Variants in USP6NL observed in about 807,000 individuals in gnomAD.
USP6NL encodes USP6 N-terminal-like protein.
Under a neutral mutation model 61.9 loss-of-function variants are expected in USP6NL, and 26 were observed. The ratio of observed to expected loss-of-function variants is 0.42; its 90% confidence interval spans 0.31 to 0.58. The LOEUF is 0.58. USP6NL is among the 20% of genes least tolerant of loss of function. The probability of loss-of-function intolerance (pLI) is 0.16; values close to 1 mark genes in which losing one functional copy is unlikely to be tolerated. For missense variants in USP6NL, 1,114 were observed against 1,034.3 expected, an observed-to-expected ratio of 1.08 and a Z score of -1.06; for synonymous variants, 432 against 390.1, an observed-to-expected ratio of 1.11 and a Z score of -1.27.
intron 2 of USP6NL, among the ~76,000 whole-genome samples, chr10:11,550,306 G>C (rs1487278488): frequency 1.3e-5 from 2 of 151,776 alleles, no homozygotes; most frequent in Non-Finnish European, 2.9e-5. Flanking sequence ...GCTCTTCAAG[G>C]GATATAAATA....
In USP6NL at chr10:11,510,545, G is replaced by A. The variant is rs774298001; in HGVS notation, c.196-870C>T. ...TCAAGTGAAATTCAGGGGCAAGGCT[G>A]CGGAATGGGGAAAGTGAGACGGAAA... On this transcript the variant is annotated intron_variant, in intron 5 of 14. Transcript: ENST00000609104. This position sits in a 1 kb window ranked among gnomAD's most constrained non-coding sequence, Gnocchi z 4.8. 8.5e-5 allele frequency among the ~76,000 whole-genome samples: 13 copies of A among 152,188 alleles called. No individual in the cohort carries two copies. The highest frequency in any genetic ancestry group is 1.8e-4 in the Non-Finnish European group (12 of 68,026).
intron 13 of USP6NL, among the ~76,000 whole-genome samples, chr10:11,484,236 C>T (rs1241471496): frequency 1.3e-5 from 2 of 152,042 alleles, no homozygotes; most frequent in African/African-American, 2.4e-5. Flanking sequence ...TGCATAGCTA[C>T]AAGAGAAGTC....
chr10:11,539,363 C>T (rs1835960782), intron 2 of USP6NL, among the ~76,000 whole-genome samples: 1 of 152,216 alleles, frequency 6.6e-6, no homozygotes, highest in Non-Finnish European at 1.5e-5. Flanking sequence ...ATTTGATCTC[C>T]ATCTGGCAGT....
At position 11,545,714 on chromosome 10, in the gene USP6NL, C is replaced by G. The variant is rs539016161; in HGVS notation, c.5-18147G>C. Among the ~76,000 whole-genome samples, 4 of 148,612 alleles carry G rather than the reference C, an allele frequency of 2.7e-5. No individual in the cohort carries two copies. In the East Asian group the frequency reaches 7.7e-4, roughly 29 times the overall value. The stretch of plus-strand genomic sequence containing the variant: ...CAACTTTCCTGATCAATGTACCTAC[C>G]AGATGAGATTTTTTTATTTCTAACA... On this transcript the variant is annotated intron_variant, in intron 2 of 14. Coordinates refer to ENST00000609104, the MANE Select transcript of USP6NL (RefSeq NM_014688.5).
intron 2 of USP6NL, among the ~76,000 whole-genome samples, chr10:11,554,966 A>ATTTTT (rs764342021): frequency 3.6e-5 from 4 of 111,848 alleles, no homozygotes; most frequent in East Asian, 7.2e-4. Flanking sequence ...TGCCCGGCTA[A>ATTTTT]TTTTTTTTTT....
intron 13 of USP6NL, among the ~76,000 whole-genome samples, chr10:11,483,971 A>C (rs1208259948): frequency 1.3e-5 from 2 of 152,168 alleles, no homozygotes; most frequent in Non-Finnish European, 2.9e-5. Context: ...CATGCTTTTC[A>C]AGTAAGCAAC....
At position 11,548,711 on chromosome 10, in the gene USP6NL, G is replaced by A. The variant is rs1836371075; in HGVS notation, c.5-21144C>T. On this transcript the variant is annotated intron_variant, in intron 2 of 14. Coordinates refer to ENST00000609104, the MANE Select transcript of USP6NL (RefSeq NM_014688.5). The surrounding 1 kb of genome is among the most constrained non-coding windows in gnomAD (Gnocchi z 4.3). ...ACATCAACAAATTAATTTAACTATGGTCTATCAATCAATTATAAAATCTAT... is the reference window on the plus strand; with the variant it reads ...ACATCAACAAATTAATTTAACTATGATCTATCAATCAATTATAAAATCTAT... Among the ~76,000 whole-genome samples, 1 of 152,004 alleles carries A rather than the reference G, an allele frequency of 6.6e-6. No individual in the cohort carries two copies. Among genetic ancestry groups the A allele is most frequent in the African/African-American group, 2.4e-5 (1 of 41,354 alleles).
intron 2 of USP6NL, among the ~76,000 whole-genome samples, chr10:11,567,940 A>G (rs1348912839): frequency 6.6e-6 from 1 of 152,032 alleles, no homozygotes; most frequent in Non-Finnish European, 1.5e-5. Flanking sequence ...CAAATCCAGG[A>G]TCGAGACCTC....
intron 6 of USP6NL, among the ~76,000 whole-genome samples, chr10:11,505,293 GATT>G (rs1229313129): frequency 1.4e-4 from 21 of 152,156 alleles, no homozygotes; most frequent in African/African-American, 4.3e-4. Flanking sequence ...AACACTTTCT[GATT>G]ATTTATTATG....
At chr10:11,519,199 C>G (rs920280975) in intron 4 of USP6NL, among the ~76,000 whole-genome samples, 2 of 152,108 alleles carry the variant, frequency 1.3e-5, no homozygotes, top group African/African-American at 4.8e-5. Flanking sequence ...AGCTTGCCAC[C>G]CTCTGCTTTA....
At chr10:11,603,009 C>T (rs964466234) in intron 1 of USP6NL, among the ~76,000 whole-genome samples, 2 of 152,164 alleles carry the variant, frequency 1.3e-5, no homozygotes, top group Admixed American at 6.5e-5. Flanking sequence ...ATTTTCTCAG[C>T]GCAAAAGTAA....
At chr10:11,584,007 C>A (rs750713694) in intron 2 of USP6NL, among the ~76,000 whole-genome samples, 1 of 151,278 alleles carries the variant, frequency 6.6e-6, no homozygotes, top group Non-Finnish European at 1.5e-5. Context: ...CCAGCCTGGG[C>A]GACACAGCGA....
intron 2 of USP6NL, among the ~76,000 whole-genome samples, chr10:11,577,082 G>C (rs1311544250): frequency 1.4e-5 from 2 of 145,354 alleles, no homozygotes; most frequent in Non-Finnish European, 3.0e-5. Context: ...TTTTTCGATG[G>C]AGTCTGGCTC....
intron 14 of USP6NL, among the ~76,000 whole-genome samples, chr10:11,471,655 A>C (rs1439305012): frequency 6.6e-6 from 1 of 152,158 alleles, no homozygotes; most frequent in Non-Finnish European, 1.5e-5. Flanking sequence ...CATAAAAAAT[A>C]ATGAGTTCAT....
chr10:11,497,576 T>C (rs1383058225), intron 7 of USP6NL, among the ~76,000 whole-genome samples: 2 of 152,118 alleles, frequency 1.3e-5, no homozygotes, highest in South Asian at 4.1e-4. Flanking sequence ...TAAAAGTTAA[T>C]AGGAAGGCAG....
At position 11,505,798 on chromosome 10, in the gene USP6NL, A is replaced by G. The variant is rs913997704; in HGVS notation, c.276+3797T>C. Among the ~76,000 whole-genome samples, 7 of 152,210 alleles carry G rather than the reference A, an allele frequency of 4.6e-5. 1 individual carries two copies. The highest frequency in any genetic ancestry group is 1.7e-4 in the African/African-American group (7 of 41,450). On this transcript the variant is annotated intron_variant, in intron 6 of 14. Coordinates refer to ENST00000609104, the MANE Select transcript of USP6NL (RefSeq NM_014688.5). ...ATGACTGCCAGTGAGTAAACTTTTC[A>G]GCCCAGCAAGCCTGGCTGAGTTTTG...
chr10:11,560,533 T>C (rs1455372886), intron 2 of USP6NL, among the ~76,000 whole-genome samples: 2 of 151,776 alleles, frequency 1.3e-5, no homozygotes, highest in African/African-American at 2.4e-5. Flanking sequence ...ACCCCCCTCC[T>C]TTCCTTAGTA....
At chr10:11,539,953 G>T (rs1835982346) in intron 2 of USP6NL, among the ~76,000 whole-genome samples, 1 of 152,244 alleles carries the variant, frequency 6.6e-6, no homozygotes, top group Non-Finnish European at 1.5e-5. Context: ...CATATGGGAA[G>T]TAAGAGACAG....
At position 11,481,759 on chromosome 10, in the gene USP6NL, G is replaced by T. The variant is rs1445041962; in HGVS notation, c.1078+11C>A. 1.9e-6 allele frequency: 3 copies of T among 1,599,814 alleles called. No homozygotes were observed. Among genetic ancestry groups the T allele is most frequent in the Non-Finnish European group, 2.6e-6 (3 of 1,175,544 alleles). On this transcript the variant is annotated intron_variant, in intron 14 of 14. Coordinates refer to ENST00000609104, the MANE Select transcript of USP6NL (RefSeq NM_014688.5). The surrounding 1 kb of genome is among the most constrained non-coding windows in gnomAD (Gnocchi z 4.4). Reference sequence around the variant, plus strand: ...TATAACGTAGATATAAAGTATTGGGGTAATTCTTACCAGGTTCTGGAAGGT... The same window carrying T: ...TATAACGTAGATATAAAGTATTGGGTTAATTCTTACCAGGTTCTGGAAGGT...
Sources: allele counts gnomAD v4.1 joint callset (sites outside exome capture counted in the v4.1 genomes callset), GRCh38; gene constraint gnomAD v4.1.1; non-coding constraint Gnocchi (gnomAD v3.1); transcripts MANE v1.5; gene names NCBI Gene and HGNC (gene_info 2026-07-23, HGNC 2026-07-21).